Variants in METTL25 observed in about 807,000 individuals in gnomAD.
The protein encoded by METTL25 is methyltransferase like 25, also known as probable methyltransferase-like protein 25.
In METTL25, 64 loss-of-function variants were observed where a neutral mutation model predicts 71.6. That is an observed-to-expected ratio of 0.89 (90% CI 0.73 to 1.10). The LOEUF (loss-of-function observed/expected upper bound fraction) is 1.10, where lower values mean the gene tolerates loss of function less well. METTL25 is among the 50% of genes least tolerant of loss of function. METTL25 has a pLI of 0.00. For missense variants in METTL25, 807 were observed against 707.0 expected, an observed-to-expected ratio of 1.14 and a Z score of -1.60; for synonymous variants, 287 against 250.3, an observed-to-expected ratio of 1.15 and a Z score of -1.38.
chr12:82,468,075 C>T (rs935746067), intron 9 of METTL25, among the ~76,000 whole-genome samples: 10 of 152,034 alleles, frequency 6.6e-5, no homozygotes, highest in African/African-American at 2.4e-4. Flanking sequence ...TCCTTTCCTA[C>T]ACCAGCATTC....
At position 82,367,369 on chromosome 12, in the gene METTL25, T is replaced by A. The variant is rs1209830272; in HGVS notation, c.259+8545T>A. Reference sequence around the variant, plus strand: ...ATAATTTAAATTCTTTCCTTGGTTTTAAAAAAAACTTTTCTACATGATTTC... The same window carrying A: ...ATAATTTAAATTCTTTCCTTGGTTTAAAAAAAAACTTTTCTACATGATTTC... On this transcript the variant is annotated intron_variant, in intron 1 of 11. Coordinates refer to ENST00000248306, the MANE Select transcript of METTL25 (RefSeq NM_032230.3). Among the ~76,000 whole-genome samples the A allele has an allele frequency of 3.3e-5, 5 of 152,122 alleles. No homozygotes were observed. In the East Asian group the frequency reaches 7.7e-4, roughly 23 times the overall value.
intron 5 of METTL25, among the ~76,000 whole-genome samples, chr12:82,429,492 G>A (rs866291193): frequency 1.3e-5 from 2 of 151,290 alleles, no homozygotes; most frequent in African/African-American, 4.9e-5. Context: ...TTGCTACTGT[G>A]AATAGTGCTG....
At chr12:82,381,357 G>A (rs554539564) in intron 1 of METTL25, among the ~76,000 whole-genome samples, 1 of 152,018 alleles carries the variant, frequency 6.6e-6, no homozygotes, top group Non-Finnish European at 1.5e-5. Flanking sequence ...TTTAGGAATG[G>A]TTAAATGCAC....
At chr12:82,373,605 G>A (rs2136873674) in intron 1 of METTL25, among the ~76,000 whole-genome samples, 1 of 152,326 alleles carries the variant, frequency 6.6e-6, no homozygotes, top group South Asian at 2.1e-4. Flanking sequence ...GGTCAGGATA[G>A]ATAGGATAGA....
intron 5 of METTL25, among the ~76,000 whole-genome samples, chr12:82,423,472 A>T (rs1200316076): frequency 1.3e-5 from 2 of 152,236 alleles, no homozygotes; most frequent in African/African-American, 4.8e-5. Context: ...CATTCAGGAC[A>T]TAGGCATGGG....
At chr12:82,435,207 G>A (rs1889828441) in intron 7 of METTL25, among the ~76,000 whole-genome samples, 1 of 151,368 alleles carries the variant, frequency 6.6e-6, no homozygotes, top group African/African-American at 2.4e-5. Context: ...AAATATCCAT[G>A]TAATTGTCTT....
At chr12:82,455,161 T>TAA (rs113706646) in intron 8 of METTL25, among the ~76,000 whole-genome samples, 1 of 144,728 alleles carries the variant, frequency 6.9e-6, no homozygotes, top group Non-Finnish European at 1.5e-5. Flanking sequence ...CCTTTTGGAT[T>TAA]AAAAAAAAAA....
rs57098687 is a variant in METTL25 at position 82,441,806 on chromosome 12, A to AACACAC, written c.1478+3037_1478+3042dup. 3.2e-3 allele frequency among the ~76,000 whole-genome samples: 429 copies of AACACAC among 133,956 alleles called. 4 individuals carry two copies. Among genetic ancestry groups the AACACAC allele is most frequent in the South Asian group, 0.023 (96 of 4,236 alleles). 87.9% of individuals were successfully genotyped at this position (133,956 alleles called of 152,430 possible). ...TATAGCAAAAAAAAAAAAAAATAGA[A>AACACAC]ACACACACACACACACACACACACA... On this transcript the variant is annotated intron_variant, in intron 8 of 11. Transcript: ENST00000248306.
chr12:82,359,742 G>A (rs1767123191), intron 1 of METTL25, among the ~76,000 whole-genome samples: 1 of 152,192 alleles, frequency 6.6e-6, no homozygotes, highest in Admixed American at 6.5e-5. Context: ...TCTCAGGCAA[G>A]CATATTTTGG....
intron 5 of METTL25, among the ~76,000 whole-genome samples, chr12:82,428,216 C>G (rs2717459): frequency 0.92 from 140,317 of 151,924 alleles, 65,130 homozygotes; most frequent in East Asian, 1. Flanking sequence ...CCACAACCTA[C>G]TCATGTAGCT....
At chr12:82,466,332 G>GTTT (rs34191300) in intron 9 of METTL25, among the ~76,000 whole-genome samples, 1 of 144,486 alleles carries the variant, frequency 6.9e-6, no homozygotes, top group African/African-American at 2.5e-5. Context: ...TTCATTCTTA[G>GTTT]TTTTTTTTTT....
chr12:82,478,375 A>G (rs951606723), intron 11 of METTL25, among the ~76,000 whole-genome samples: 4 of 151,928 alleles, frequency 2.6e-5, no homozygotes, highest in African/African-American at 9.6e-5. Flanking sequence ...TTTATGTTAG[A>G]AAATTTAAAA....
chr12:82,372,401 G>T (rs138242427), intron 1 of METTL25, among the ~76,000 whole-genome samples: 2,363 of 152,240 alleles, frequency 0.016, 69 homozygotes, highest in Admixed American at 0.051. Flanking sequence ...ATAGGAAGGG[G>T]AGCTATAGGG....
At chr12:82,447,965 G>A (rs1890879366) in intron 8 of METTL25, among the ~76,000 whole-genome samples, 1 of 152,032 alleles carries the variant, frequency 6.6e-6, no homozygotes. Flanking sequence ...CATATAGCCT[G>A]AAAGAACCAG....
At position 82,474,299 on chromosome 12, in the gene METTL25, A is replaced by G. The variant is rs80199573; in HGVS notation, c.1573-2345A>G. 3.9e-3 allele frequency among the ~76,000 whole-genome samples: 601 copies of G among 152,288 alleles called. 3 individuals are homozygous for G. Among genetic ancestry groups the G allele is most frequent in the African/African-American group, 0.014 (571 of 41,548 alleles). ...GAGTTACAGAGGCTAGGTGTCTCCA[A>G]GCTGCCCACCTGGACTTCTAATCAC... On this transcript the variant is annotated intron_variant, in intron 9 of 11. Coordinates refer to ENST00000248306, the MANE Select transcript of METTL25 (RefSeq NM_032230.3).
intron 5 of METTL25, among the ~76,000 whole-genome samples, chr12:82,426,273 T>TCTCA (rs1308818817): frequency 1.3e-5 from 2 of 152,056 alleles, no homozygotes; most frequent in Non-Finnish European, 2.9e-5. Context: ...AGAGCAAAGG[T>TCTCA]GTGAGGCCAC....
intron 3 of METTL25, among the ~76,000 whole-genome samples, chr12:82,392,737 A>G (rs1353867604): frequency 1.3e-5 from 2 of 151,970 alleles, no homozygotes; most frequent in South Asian, 2.1e-4. Context: ...TGTTTCCCCA[A>G]TGTTTTCTTC....
At chr12:82,422,133 A>C (rs1232304531) in intron 5 of METTL25, among the ~76,000 whole-genome samples, 1 of 152,188 alleles carries the variant, frequency 6.6e-6, no homozygotes, top group African/African-American at 2.4e-5. Flanking sequence ...ATGAACATCA[A>C]TGCAAAAATC....
intron 5 of METTL25, among the ~76,000 whole-genome samples, chr12:82,419,715 A>C (rs1888308027): frequency 7.7e-6 from 1 of 130,362 alleles, no homozygotes. Context: ...GCCACAGGAC[A>C]ACAAATCTTG....
Sources: gnomAD v4.1 joint callset for allele counts (sites outside exome capture counted in the v4.1 genomes callset) on GRCh38, gnomAD v4.1.1 for gene constraint, MANE v1.5 for transcripts, NCBI Gene and HGNC (gene_info 2026-07-23, HGNC 2026-07-21) for gene names.